The following KCNB2 variants were observed in gnomAD, a reference collection of about 807,000 sequenced individuals.
The protein encoded by KCNB2 is potassium voltage-gated channel subfamily B member 2.
In KCNB2, 15 loss-of-function variants were observed where a neutral mutation model predicts 61.5. The ratio of observed to expected loss-of-function variants is 0.24; its 90% CI spans 0.16 to 0.38. The LOEUF is 0.38. Ranked by LOEUF, KCNB2 falls within the 10% of genes least tolerant of loss-of-function variation. The pLI is 1.00. For missense variants in KCNB2, 828 were observed against 1,125.2 expected (o/e 0.74, Z 3.78); for synonymous variants, 457 against 446.0 (o/e 1.02, Z -0.31).
In KCNB2 at chr8:72,937,343, G is replaced by T; in HGVS notation, c.1988G>T (p.Arg663Met). The T allele has an allele frequency of 6.2e-7, 1 of 1,614,060 alleles. No individual in the cohort carries two copies. The highest frequency in any genetic ancestry group is 8.5e-7 in the Non-Finnish European group (1 of 1,180,006). Residue 663 changes from arginine to methionine, a missense_variant, in exon 3 of 3, where the codon AGG becomes ATG. This residue lies in a region of KCNB2 where 559 missense variants were observed against 588.4 expected (regional missense o/e 0.95). Transcript: ENST00000523207. The stretch of plus-strand genomic sequence containing the variant: ...TCCAGAGAGAAAGGACCTGCTGCCA[G>T]GGATGGCACGCTGGAGTATGCCCCA... ...TLSREKGPAARDGTLEYAPVD... is the reference protein window; with the variant it reads ...TLSREKGPAAMDGTLEYAPVD...
intron 2 of KCNB2, among the ~76,000 whole-genome samples, chr8:72,775,404 G>A (rs796988604): frequency 6.6e-6 from 1 of 152,216 alleles, no homozygotes; most frequent in South Asian, 2.1e-4. Flanking sequence ...AGCCCTGTTA[G>A]AACATCGCAG....
chr8:72,610,507 A>C (rs1161124700), intron 2 of KCNB2, among the ~76,000 whole-genome samples: 1 of 152,152 alleles, frequency 6.6e-6, no homozygotes, highest in Non-Finnish European at 1.5e-5. Context: ...ATTATGCCTA[A>C]CAAAAGGTTA....
chr8:72,678,480 TAGAA>T (rs143467509), intron 2 of KCNB2, among the ~76,000 whole-genome samples: 38,672 of 151,872 alleles, frequency 0.25, 8,533 homozygotes, highest in African/African-American at 0.6. Flanking sequence ...CCAAGCATTC[TAGAA>T]AAGCATGATT....
intron 2 of KCNB2, among the ~76,000 whole-genome samples, chr8:72,653,084 C>A (rs1806237961): frequency 6.6e-6 from 1 of 152,074 alleles, no homozygotes; most frequent in Non-Finnish European, 1.5e-5. Context: ...TGTCTGTATC[C>A]CCTTCCCTTC....
chr8:72,936,046 C>T lies in KCNB2; in HGVS notation c.691C>T (p.Arg231Cys), dbSNP rs367953569. The change falls in exon 3 of 3, where the codon CGC becomes TGC. Residue 231 changes from arginine (R) to cysteine (C), a missense_variant. Physicochemically the swap from Arg to Cys is radical, Grantham distance 180. Around this residue, in one of 4 missense-constraint regions of KCNB2, gnomAD observed 163 missense variants for 314.4 expected, o/e 0.52. Coordinates refer to ENST00000523207, the MANE Select transcript of KCNB2 (RefSeq NM_004770.3). The surrounding 1 kb of genome is among the most constrained non-coding windows in gnomAD (Gnocchi z 5.6). ...TDEFGQLNDN[R>C]QLAHVEAVCI... Reference sequence around the variant, plus strand: ...CGAATTTGGACAACTCAATGACAACCGCCAATTAGCACACGTGGAGGCTGT... The same window carrying T: ...CGAATTTGGACAACTCAATGACAACTGCCAATTAGCACACGTGGAGGCTGT... The T allele has an allele frequency of 5.6e-6, 9 of 1,614,074 alleles. No homozygotes were observed. The highest frequency in any genetic ancestry group is 5.3e-5 in the African/African-American group (4 of 74,930).
chr8:72,628,135 G>A (rs1805820790), intron 2 of KCNB2, among the ~76,000 whole-genome samples: 1 of 152,038 alleles, frequency 6.6e-6, no homozygotes, highest in Admixed American at 6.6e-5. Context: ...TGTATTTTTA[G>A]TAGAAACAGG....
intron 2 of KCNB2, among the ~76,000 whole-genome samples, chr8:72,707,789 C>G (rs1807253272): frequency 6.6e-6 from 1 of 152,180 alleles, no homozygotes; most frequent in Non-Finnish European, 1.5e-5. Context: ...GGGAAATACA[C>G]ACTTTTGCTT....
At chr8:72,742,921 T>C (rs760094854) in intron 2 of KCNB2, among the ~76,000 whole-genome samples, 1 of 152,168 alleles carries the variant, frequency 6.6e-6, no homozygotes, top group Non-Finnish European at 1.5e-5. Flanking sequence ...AATGTTGCCA[T>C]TGGGGTTGGG....
intron 2 of KCNB2, among the ~76,000 whole-genome samples, chr8:72,619,933 G>A (rs992214908): frequency 6.6e-6 from 1 of 152,168 alleles, no homozygotes; most frequent in African/African-American, 2.4e-5. Context: ...CTCTTCAAAT[G>A]TAGCTAGTCT....
At chr8:72,614,509 A>T (rs1805588778) in intron 2 of KCNB2, among the ~76,000 whole-genome samples, 2 of 152,170 alleles carry the variant, frequency 1.3e-5, no homozygotes, top group Admixed American at 6.5e-5. Flanking sequence ...TTACAGTAAA[A>T]TGAGATCGCA....
At chr8:72,539,857 G>C (rs1176544527) in intron 1 of KCNB2, among the ~76,000 whole-genome samples, 1 of 152,132 alleles carries the variant, frequency 6.6e-6, no homozygotes, top group Non-Finnish European at 1.5e-5. Context: ...ATTCCCTTCT[G>C]TTTGGCTTTT....
At chr8:72,590,531 A>G (rs1314072757) in intron 2 of KCNB2, among the ~76,000 whole-genome samples, 1 of 152,166 alleles carries the variant, frequency 6.6e-6, no homozygotes, top group African/African-American at 2.4e-5. Flanking sequence ...ATCCTTTCAT[A>G]AATGTATTTC....
At chr8:72,825,471 T>C (rs575175194) in intron 2 of KCNB2, among the ~76,000 whole-genome samples, 1 of 152,212 alleles carries the variant, frequency 6.6e-6, no homozygotes, top group Non-Finnish European at 1.5e-5. Context: ...GGAATCACTG[T>C]ACCATTTTCC....
intron 2 of KCNB2, among the ~76,000 whole-genome samples, chr8:72,718,199 C>T (rs936487905): frequency 6.6e-6 from 1 of 152,100 alleles, no homozygotes; most frequent in South Asian, 2.1e-4. Flanking sequence ...AATAGGAACA[C>T]TTTTACACTG....
chr8:72,930,125 G>A lies in KCNB2; in HGVS notation c.580-5810G>A, dbSNP rs578047778. Among the ~76,000 whole-genome samples the A allele has an allele frequency of 1.4e-3, 215 of 152,016 alleles. 2 individuals carry two copies. The highest frequency in any genetic ancestry group is 5.0e-3 in the African/African-American group (208 of 41,456). On this transcript the variant is annotated intron_variant, in intron 2 of 2. Coordinates refer to ENST00000523207, the MANE Select transcript of KCNB2 (RefSeq NM_004770.3). The stretch of plus-strand genomic sequence containing the variant: ...TCTTTCATGTCCCTACAAAGGACAT[G>A]AACTCATCATTTTTTATGGCTGCAT...
At chr8:72,719,099 T>TTTTG (rs1020606590) in intron 2 of KCNB2, among the ~76,000 whole-genome samples, 1 of 152,156 alleles carries the variant, frequency 6.6e-6, no homozygotes, top group Non-Finnish European at 1.5e-5. Context: ...TGCTTTGTTT[T>TTTTG]TTTGTTTGTT....
intron 2 of KCNB2, among the ~76,000 whole-genome samples, chr8:72,571,050 C>T (rs1168922456): frequency 6.6e-6 from 1 of 151,956 alleles, no homozygotes; most frequent in African/African-American, 2.4e-5. Context: ...TTAATAGATT[C>T]CTGTAATGAA....
chr8:72,769,194 G>A (rs1487665859), intron 2 of KCNB2, among the ~76,000 whole-genome samples: 1 of 151,464 alleles, frequency 6.6e-6, no homozygotes, highest in Non-Finnish European at 1.5e-5. Flanking sequence ...AAAATTAAGT[G>A]ACATAAAAAG....
chr8:72,665,629 A>G (rs1039334179), intron 2 of KCNB2, among the ~76,000 whole-genome samples: 1 of 152,230 alleles, frequency 6.6e-6, no homozygotes, highest in Non-Finnish European at 1.5e-5. Context: ...GCACAGAGCA[A>G]GTACTTCATG....
Sources: gnomAD v4.1 joint callset for allele counts (sites outside exome capture counted in the v4.1 genomes callset) on GRCh38, gnomAD v4.1.1 for gene constraint, gnomAD v4.1.1 regional missense constraint, Gnocchi (gnomAD v3.1) non-coding constraint, MANE v1.5 for transcripts, NCBI Gene and HGNC (gene_info 2026-07-23, HGNC 2026-07-21) for gene names.